Variants in SYN3 observed in about 807,000 individuals in gnomAD.
SYN3 encodes synapsin-3.
Under a neutral mutation model 65.8 loss-of-function variants are expected in SYN3, and 35 were observed. The observed-to-expected ratio is 0.53, with a 90% CI of 0.41 to 0.70. SYN3 has a LOEUF of 0.70. SYN3 is among the 30% of genes least tolerant of loss of function. The probability of loss-of-function intolerance (pLI) is 0.00; values close to 1 mark genes in which losing one functional copy is unlikely to be tolerated. For synonymous variants in SYN3, 270 were observed against 292.9 expected (o/e 0.92, Z 0.80); for missense variants, 680 against 749.0 (o/e 0.91, Z 1.08).
At chr22:32,866,774 A>G (rs901173223) in intron 5 of SYN3, among the ~76,000 whole-genome samples, 4 of 152,142 alleles carry the variant, frequency 2.6e-5, no homozygotes, top group Admixed American at 1.3e-4. Context: ...GCAGAATGAG[A>G]AGGAGACCAG....
chr22:32,997,582 C>T (rs553937096), intron 2 of SYN3, among the ~76,000 whole-genome samples: 34 of 152,218 alleles, frequency 2.2e-4, no homozygotes, highest in African/African-American at 3.4e-4. Context: ...TCCTGCTCCT[C>T]GGCAAATGCT....
intron 1 of SYN3, among the ~76,000 whole-genome samples, chr22:33,009,987 C>T (rs1044730562): frequency 2.6e-5 from 4 of 152,044 alleles, no homozygotes; most frequent in Non-Finnish European, 4.4e-5. Flanking sequence ...AATCCCAGCA[C>T]TTTGGGAGGT....
At chr22:32,942,821 G>T (rs2050981820) in intron 3 of SYN3, among the ~76,000 whole-genome samples, 1 of 152,154 alleles carries the variant, frequency 6.6e-6, no homozygotes, top group Non-Finnish European at 1.5e-5. Flanking sequence ...TAACCAATTT[G>T]ATCAACTGGA....
intron 6 of SYN3, among the ~76,000 whole-genome samples, chr22:32,789,972 C>T (rs936245150): frequency 6.6e-6 from 1 of 152,214 alleles, no homozygotes; most frequent in African/African-American, 2.4e-5. Flanking sequence ...TAAACGCTTT[C>T]CACATATATC....
chr22:32,941,415 T>C (rs2050934693), intron 3 of SYN3, among the ~76,000 whole-genome samples: 1 of 152,222 alleles, frequency 6.6e-6, no homozygotes, highest in Non-Finnish European at 1.5e-5. Flanking sequence ...TTTGTATTAT[T>C]TTTTGCGCAT....
intron 6 of SYN3, among the ~76,000 whole-genome samples, chr22:32,669,882 G>A (rs2060337504): frequency 6.6e-6 from 1 of 152,128 alleles, no homozygotes; most frequent in South Asian, 2.1e-4. Flanking sequence ...TTGGATGGCA[G>A]GATAGGGCAG....
chr22:32,643,047 A>G (rs2059925797), intron 6 of SYN3, among the ~76,000 whole-genome samples: 1 of 151,790 alleles, frequency 6.6e-6, no homozygotes, highest in Non-Finnish European at 1.5e-5. Flanking sequence ...TGATAGGGAA[A>G]CCTTTTTTGA....
At chr22:32,631,801 C>T (rs1421233121) in intron 6 of SYN3, among the ~76,000 whole-genome samples, 12 of 152,084 alleles carry the variant, frequency 7.9e-5, no homozygotes, top group Non-Finnish European at 4.4e-5. Flanking sequence ...AGTAACTTGC[C>T]CAAAGTAATA....
At position 32,512,875 on chromosome 22, in the gene SYN3, G is replaced by A. The variant is rs1016568628; in HGVS notation, c.*817C>T. On this transcript the variant is annotated 3_prime_UTR_variant, in exon 14 of 14. Transcript: ENST00000358763. ...GATCAAACAGTGGTGGAACAGAATGGGTACAGGAGCCCTAACCTGACCCTT... is the reference window on the plus strand; with the variant it reads ...GATCAAACAGTGGTGGAACAGAATGAGTACAGGAGCCCTAACCTGACCCTT... 1 of 152,212 alleles carries A rather than the reference G, an allele frequency of 6.6e-6. No individual in the cohort carries two copies. The highest frequency in any genetic ancestry group is 1.5e-5 in the Non-Finnish European group (1 of 68,048). 9.4% of individuals were successfully genotyped at this position (152,212 alleles called of 1,614,324 possible).
intron 7 of SYN3, among the ~76,000 whole-genome samples, chr22:32,574,253 G>C (rs2058821192): frequency 6.6e-6 from 1 of 152,084 alleles, no homozygotes; most frequent in African/African-American, 2.4e-5. Flanking sequence ...GGCTGAGCAG[G>C]AGGATCGCCT....
intron 1 of SYN3, among the ~76,000 whole-genome samples, chr22:33,042,836 T>C (rs2053989130): frequency 6.6e-6 from 1 of 152,110 alleles, no homozygotes; most frequent in African/African-American, 2.4e-5. Flanking sequence ...ACCCCTAAAC[T>C]GTGCCATGAT....
chr22:32,752,976 GA>G (rs2045177184), intron 6 of SYN3, among the ~76,000 whole-genome samples: 2 of 152,164 alleles, frequency 1.3e-5, no homozygotes, highest in South Asian at 4.1e-4. Context: ...GCCTCCCCCA[GA>G]ACCACTGAAA....
intron 7 of SYN3, among the ~76,000 whole-genome samples, chr22:32,562,941 G>A (rs1274653181): frequency 1.3e-5 from 2 of 152,210 alleles, no homozygotes; most frequent in South Asian, 2.1e-4. Context: ...GTTCCAGCTG[G>A]GAAGAGACCT....
intron 6 of SYN3, among the ~76,000 whole-genome samples, chr22:32,820,819 G>C (rs1332128211): frequency 6.6e-6 from 1 of 152,204 alleles, no homozygotes; most frequent in African/African-American, 2.4e-5. Context: ...AAGGAGAAAA[G>C]GAGGTTAACT....
chr22:32,773,717 T>C (rs796070796), intron 6 of SYN3, among the ~76,000 whole-genome samples: 3 of 152,278 alleles, frequency 2.0e-5, no homozygotes, highest in African/African-American at 7.2e-5. Context: ...TTGAGGACAG[T>C]GTCTGTTCAT....
chr22:32,664,633 C>T (rs2060264231), intron 6 of SYN3, among the ~76,000 whole-genome samples: 1 of 137,058 alleles, frequency 7.3e-6, no homozygotes, highest in South Asian at 2.4e-4. Context: ...CTCTGTCGCC[C>T]AGGCTGGAGT....
chr22:32,969,912 T>C (rs189564938), intron 3 of SYN3, among the ~76,000 whole-genome samples: 1 of 152,342 alleles, frequency 6.6e-6, no homozygotes, highest in East Asian at 1.9e-4. Flanking sequence ...GGAACTATGA[T>C]TGAACATATG....
chr22:32,989,931 T>C (rs1207081939), intron 2 of SYN3, among the ~76,000 whole-genome samples: 1 of 151,724 alleles, frequency 6.6e-6, no homozygotes, highest in Non-Finnish European at 1.5e-5. Context: ...CCTACAGATG[T>C]CTGCAAGTTC....
chr22:33,011,632 G>A (rs765407573), intron 1 of SYN3, among the ~76,000 whole-genome samples: 1 of 152,128 alleles, frequency 6.6e-6, no homozygotes, highest in Non-Finnish European at 1.5e-5. Context: ...TTTTCTGAAA[G>A]AGTCTGTGTA....
Sources: allele counts gnomAD v4.1 joint callset (sites outside exome capture counted in the v4.1 genomes callset), GRCh38; gene constraint gnomAD v4.1.1; transcripts MANE v1.5; gene names NCBI Gene and HGNC (gene_info 2026-07-23, HGNC 2026-07-21).